GMCL1: variants seen among roughly 807,000 people sequenced by gnomAD.
GMCL1 encodes germ cell-less 1, spermatogenesis associated.
In GMCL1, 54 loss-of-function variants were observed where a neutral mutation model predicts 75.5. The ratio of observed to expected loss-of-function variants is 0.71; its 90% CI spans 0.57 to 0.90. The LOEUF is 0.90. GMCL1 is among the 40% of genes least tolerant of loss of function. The probability of loss-of-function intolerance (pLI) is 0.00; values close to 1 mark genes in which losing one functional copy is unlikely to be tolerated. For synonymous variants in GMCL1, 210 were observed against 209.6 expected (o/e 1.00, Z -0.02); for missense variants, 537 against 622.7 (o/e 0.86, Z 1.47).
At chr2:69,859,880 CCT>C (rs1443763345) in intron 9 of GMCL1, among the ~76,000 whole-genome samples, 2 of 151,620 alleles carry the variant, frequency 1.3e-5, no homozygotes, top group African/African-American at 4.9e-5. Flanking sequence ...GATTTCTACC[CCT>C]CTTTTACATA....
chr2:69,847,680 G>A (rs1303798783), intron 7 of GMCL1, 53 bp downstream of exon 7: 37 of 1,036,196 alleles, frequency 3.6e-5, no homozygotes, highest in South Asian at 1.3e-4. Flanking sequence ...TCAGCAATGC[G>A]TATAATGGTG....
chr2:69,848,797 CAT>C (rs1454749882), intron 7 of GMCL1, among the ~76,000 whole-genome samples: 1 of 152,166 alleles, frequency 6.6e-6, no homozygotes, highest in African/African-American at 2.4e-5. Context: ...ATGAGGTAAA[CAT>C]ATTATCATGC....
intron 3 of GMCL1, among the ~76,000 whole-genome samples, chr2:69,840,622 G>C (rs1418209644): frequency 6.6e-6 from 1 of 152,148 alleles, no homozygotes; most frequent in Non-Finnish European, 1.5e-5. Context: ...TGTACTTAAC[G>C]ATTGGTCTAC....
intron 9 of GMCL1, among the ~76,000 whole-genome samples, chr2:69,857,072 G>A (rs565607714): frequency 5.3e-5 from 8 of 152,194 alleles, no homozygotes; most frequent in African/African-American, 1.4e-4. Flanking sequence ...TCAGAAACCT[G>A]GTAGTTTTCA....
intron 4 of GMCL1, among the ~76,000 whole-genome samples, chr2:69,841,893 A>G (rs988469540): frequency 1.8e-4 from 28 of 152,202 alleles, no homozygotes; most frequent in African/African-American, 6.3e-4. Context: ...TCAAGACTCT[A>G]ACAGAAACAT....
At chr2:69,844,039 A>C in intron 5 of GMCL1, 92 bp from the exon 6 acceptor site, 2 of 553,846 alleles carry the variant, frequency 3.6e-6, no homozygotes, top group African/African-American at 2.0e-5. Context: ...TGTTCTGGCA[A>C]GATTAATCTG....
chr2:69,847,684 A>G, intron 7 of GMCL1, 57 bp downstream of exon 7: 1 of 1,011,312 alleles, frequency 9.9e-7, no homozygotes, highest in South Asian at 1.4e-5. Flanking sequence ...CAATGCGTAT[A>G]ATGGTGAAAA....
chr2:69,867,854 A>G (rs1358703465), intron 11 of GMCL1, among the ~76,000 whole-genome samples: 6 of 152,166 alleles, frequency 3.9e-5, no homozygotes, highest in Admixed American at 3.9e-4. Context: ...TGATCCTCCC[A>G]TTAGCTGAGG....
Position 69,839,495 on chromosome 2 carries a change from A to G in GMCL1, c.423A>G (p.Lys141=). The G allele has an allele frequency of 6.2e-7, 1 of 1,607,330 alleles. No homozygotes were observed. The highest frequency in any genetic ancestry group is 8.5e-7 in the Non-Finnish European group (1 of 1,174,616). Residue 141 remains lysine, a synonymous_variant, in exon 3 of 14, where the codon AAA becomes AAG. Transcript: ENST00000282570. The stretch of plus-strand genomic sequence containing the variant: ...CTAGTATGTTCAGTGGTTCTTGGAA[A>G]GAATCCAGCATGAATATTATTGAAC... ...YFSSMFSGSW[K]ESSMNIIELE...
At chr2:69,872,240 A>G (rs1053131822) in intron 13 of GMCL1, among the ~76,000 whole-genome samples, 29 of 152,212 alleles carry the variant, frequency 1.9e-4, no homozygotes, top group African/African-American at 6.3e-4. Context: ...TCCGAATATC[A>G]TAAGAGCATT....
chr2:69,852,147 CAGT>C (rs1004018968), intron 8 of GMCL1, among the ~76,000 whole-genome samples: 10 of 152,148 alleles, frequency 6.6e-5, no homozygotes, highest in African/African-American at 2.4e-4. Flanking sequence ...CAAAGAGACT[CAGT>C]AGAAACAGTA....
chr2:69,844,887 G>A (rs1282804807), intron 6 of GMCL1: 3 of 360,376 alleles, frequency 8.3e-6, no homozygotes, highest in East Asian at 1.6e-4. Context: ...CTCCTGATGA[G>A]AGAAGTCTGT....
At chr2:69,842,467 C>T (rs978369425) in intron 4 of GMCL1, among the ~76,000 whole-genome samples, 17 of 152,102 alleles carry the variant, frequency 1.1e-4, no homozygotes, top group African/African-American at 2.7e-4. Flanking sequence ...TTATCTAACT[C>T]TGGTCCTTTT....
chr2:69,866,503 G>A (rs1161670003), intron 11 of GMCL1, among the ~76,000 whole-genome samples: 3 of 152,056 alleles, frequency 2.0e-5, no homozygotes, highest in African/African-American at 7.3e-5. Context: ...GTGTCTCACT[G>A]TGTCGCCCAG....
intron 13 of GMCL1, among the ~76,000 whole-genome samples, chr2:69,875,696 A>G (rs1324111995): frequency 1.4e-5 from 2 of 147,496 alleles, no homozygotes; most frequent in East Asian, 2.0e-4. Context: ...AGTATTTTAC[A>G]TTTCTTTTTT....
chr2:69,866,047 A>C (rs1321376897), intron 11 of GMCL1, among the ~76,000 whole-genome samples: 2 of 152,166 alleles, frequency 1.3e-5, no homozygotes, highest in Non-Finnish European at 2.9e-5. Flanking sequence ...TCAGGAGATC[A>C]AGACCATCCT....
chr2:69,851,771 G>A (rs1675327401), intron 8 of GMCL1, among the ~76,000 whole-genome samples: 2 of 151,530 alleles, frequency 1.3e-5, no homozygotes, highest in South Asian at 4.2e-4. Flanking sequence ...GTCTCAAAAG[G>A]AAAAAAAATG....
chr2:69,851,391 C>CA (rs1675315596), intron 8 of GMCL1, among the ~76,000 whole-genome samples: 1 of 152,156 alleles, frequency 6.6e-6, no homozygotes, highest in Non-Finnish European at 1.5e-5. Flanking sequence ...GTGGGCAGAT[C>CA]ACAAGGTCAG....
At chr2:69,872,792 C>T (rs139590618) in intron 13 of GMCL1, among the ~76,000 whole-genome samples, 93 of 152,280 alleles carry the variant, frequency 6.1e-4, no homozygotes, top group Middle Eastern at 3.4e-3. Flanking sequence ...TTCTTGTAAC[C>T]TCTGCAGCTG....
Sources: gnomAD v4.1 joint callset for allele counts (sites outside exome capture counted in the v4.1 genomes callset) on GRCh38, gnomAD v4.1.1 for gene constraint, MANE v1.5 for transcripts, NCBI Gene and HGNC (gene_info 2026-07-23, HGNC 2026-07-21) for gene names.